KANSL1: variants seen among roughly 807,000 people sequenced by gnomAD.
KANSL1 encodes KAT8 regulatory NSL complex subunit 1, also known as MLL1/MLL complex subunit KANSL1.
In KANSL1, 22 loss-of-function variants were observed where a neutral mutation model predicts 103.6. The ratio of observed to expected loss-of-function variants is 0.21; its 90% CI spans 0.15 to 0.30. The LOEUF (loss-of-function observed/expected upper bound fraction) is 0.30, where lower values mean the gene tolerates loss of function less well. Among genes scored for constraint, KANSL1 ranks in the 10% least tolerant of loss-of-function variants. The pLI is 1.00. For synonymous variants in KANSL1, 600 were observed against 527.6 expected (o/e 1.14, Z -1.88); for missense variants, 1,337 against 1,399.8 (o/e 0.96, Z 0.72).
At chr17:46,052,055 T>C (rs796067479) in intron 6 of KANSL1, among the ~76,000 whole-genome samples, 7 of 152,282 alleles carry the variant, frequency 4.6e-5, no homozygotes, top group South Asian at 2.1e-4. Context: ...CCTGTATCTA[T>C]GTAATCAGAG....
intron 1 of KANSL1, among the ~76,000 whole-genome samples, chr17:46,219,412 G>T (rs146323429): frequency 6.6e-6 from 1 of 152,188 alleles, no homozygotes; most frequent in African/African-American, 2.4e-5. Flanking sequence ...ACCCAGGCTG[G>T]ACTGCAGGGG....
At chr17:46,068,799 C>G (rs17659743) in intron 4 of KANSL1, among the ~76,000 whole-genome samples, 21,782 of 152,086 alleles carry the variant, frequency 0.14, 2,122 homozygotes, top group Non-Finnish European at 0.22. Flanking sequence ...AGGCTCAAAA[C>G]GGATAGGAAC....
intron 3 of KANSL1, among the ~76,000 whole-genome samples, chr17:46,090,133 G>A (rs2079326140): frequency 6.6e-6 from 1 of 152,208 alleles, no homozygotes. Context: ...AGAGAAAGAT[G>A]GTCATATGAA....
At chr17:46,195,291 G>T (rs2047568582), upstream of KANSL1, among the ~76,000 whole-genome samples, 1 of 152,202 alleles carries the variant, frequency 6.6e-6, no homozygotes, top group Non-Finnish European at 1.5e-5. Context: ...TAATCTTACT[G>T]CTGCTCCAAA....
At chr17:46,197,921 C>T (rs180850445), upstream of KANSL1, among the ~76,000 whole-genome samples, 132 of 152,324 alleles carry the variant, frequency 8.7e-4, no homozygotes, top group Non-Finnish European at 1.5e-3. Context: ...TTCAGTACCT[C>T]GTATGTCCAA....
intron 2 of KANSL1, among the ~76,000 whole-genome samples, chr17:46,108,501 A>G (rs938328365): frequency 1.3e-5 from 2 of 152,168 alleles, no homozygotes; most frequent in African/African-American, 4.8e-5. Context: ...ACCTTCATGA[A>G]AATTATTTTT....
chr17:46,084,921 T>A (rs1026321101), intron 3 of KANSL1, among the ~76,000 whole-genome samples: 3 of 152,284 alleles, frequency 2.0e-5, no homozygotes, highest in Middle Eastern at 3.4e-3. Flanking sequence ...AAGACAGTTA[T>A]CTTGTACACC....
rs773238363 is a variant in KANSL1 at position 46,038,599 on chromosome 17, G to C, written c.2480C>G (p.Ser827Cys). ...PPHSPLVRQL[S>C]TSSDSPAPAS... is the part of the protein sequence containing the mutation. Reference sequence around the variant, plus strand: ...GGGTGCAGGGGAATCTGAGGAGGTGGAGAGCTGTCGCACCAAGGGACTGTG... The same window carrying C: ...GGGTGCAGGGGAATCTGAGGAGGTGCAGAGCTGTCGCACCAAGGGACTGTG... The change falls in exon 10 of 15, where the codon TCC becomes TGC. Residue 827 changes from serine to cysteine, a missense_variant. Ser to Cys is a moderately radical substitution (Grantham distance 112). Coordinates refer to ENST00000432791, the MANE Select transcript of KANSL1 (RefSeq NM_015443.4). The C allele has an allele frequency of 1.2e-6, 2 of 1,614,184 alleles. No homozygotes were observed. Among genetic ancestry groups the C allele is most frequent in the East Asian group, 4.5e-5 (2 of 44,876 alleles).
intron 6 of KANSL1, among the ~76,000 whole-genome samples, chr17:46,063,190 A>T (rs949178928): frequency 1.3e-5 from 2 of 152,248 alleles, no homozygotes; most frequent in African/African-American, 2.4e-5. Flanking sequence ...TGTACTCTGT[A>T]CTCACAATAA....
In KANSL1 at chr17:46,031,608, G is replaced by T. The variant is rs762231138; in HGVS notation, c.3186C>A (p.Arg1062=). Residue 1062 remains arginine, a synonymous_variant, in exon 15 of 15, where the codon CGC becomes CGA. Coordinates refer to ENST00000432791, the MANE Select transcript of KANSL1 (RefSeq NM_015443.4). ...DQLDAQERAA[R]CTRRTSGSKT... is the part of the protein sequence containing the mutation. ...TGCTGCCTGAGGTGCGTCGAGTGCA[G>T]CGGGCTGCTCGCTCCTGTGCATCCA... 2 of 1,614,138 alleles carry T rather than the reference G, an allele frequency of 1.2e-6. No individual in the cohort carries two copies. The highest frequency in any genetic ancestry group is 4.5e-5 in the East Asian group (2 of 44,866).
At chr17:46,108,659 G>A (rs2042672693) in intron 2 of KANSL1, among the ~76,000 whole-genome samples, 1 of 152,184 alleles carries the variant, frequency 6.6e-6, no homozygotes, top group African/African-American at 2.4e-5. Context: ...CAAAGGGAAG[G>A]AAGGAAGCAG....
intron 1 of KANSL1, among the ~76,000 whole-genome samples, chr17:46,186,742 T>C (rs941846421): frequency 2.0e-5 from 3 of 152,224 alleles, no homozygotes; most frequent in African/African-American, 7.2e-5. Flanking sequence ...TTTTTTCTTT[T>C]TTTTGAGACG....
chr17:46,167,582 G>T (rs1459742247), intron 2 of KANSL1, among the ~76,000 whole-genome samples: 2 of 152,142 alleles, frequency 1.3e-5, no homozygotes, highest in Non-Finnish European at 2.9e-5. Context: ...AAGAAAGGAA[G>T]ATATGTGAAA....
rs2146314710 is a variant in KANSL1 at position 46,033,092 on chromosome 17, C to T, written c.2825G>A (p.Arg942Gln). Reference protein sequence around the residue: ...WLWTTSVPPQRRGSRSYRSSD... With the variant: ...WLWTTSVPPQQRGSRSYRSSD... ...CCTGCCCCATCACCTGCTGCCCCGC[C>T]GCTGGGGTGGCACACTCGTGGTCCA... Residue 942 changes from arginine (R) to glutamine (Q), a missense_variant, in exon 13 of 15, where the codon CGG (arginine) becomes CAG (glutamine). Transcript: ENST00000432791. 4 of 1,586,758 alleles carry T rather than the reference C, an allele frequency of 2.5e-6. No individual in the cohort carries two copies. Among genetic ancestry groups the T allele is most frequent in the Middle Eastern group, 1.7e-4 (1 of 5,958 alleles).
chr17:46,111,805 A>G (rs752197898), intron 2 of KANSL1, among the ~76,000 whole-genome samples: 3 of 152,236 alleles, frequency 2.0e-5, no homozygotes, highest in Non-Finnish European at 2.9e-5. Flanking sequence ...AAATAAATCT[A>G]AAGTGTGTTA....
In KANSL1 at chr17:46,033,415, C is replaced by T. The variant is rs1568367786; in HGVS notation, c.2712G>A (p.Glu904=). 2 of 1,613,698 alleles carry T rather than the reference C, an allele frequency of 1.2e-6. No individual in the cohort carries two copies. The highest frequency in any genetic ancestry group is 1.7e-6 in the Non-Finnish European group (2 of 1,179,986). The change falls in exon 12 of 15, where the codon GAG becomes GAA. Residue 904 remains glutamate (E), a synonymous_variant. Coordinates refer to ENST00000432791, the MANE Select transcript of KANSL1 (RefSeq NM_015443.4). ...DLQSLKGSPD[E]ENEEIEDLSD... ...ACCAGGCCATTACCTCTTCATTCTC[C>T]TCATCAGGACTCCCCTTCAGAGACT...
At chr17:46,174,848 A>G (rs995592598) in intron 1 of KANSL1, among the ~76,000 whole-genome samples, 2 of 152,084 alleles carry the variant, frequency 1.3e-5, no homozygotes, top group South Asian at 2.1e-4. Flanking sequence ...TAATTTTTTG[A>G]ATTTTTGTAG....
At chr17:46,182,045 T>C (rs2046819735) in intron 1 of KANSL1, among the ~76,000 whole-genome samples, 1 of 152,218 alleles carries the variant, frequency 6.6e-6, no homozygotes, top group Non-Finnish European at 1.5e-5. Flanking sequence ...TTTCCCTAAT[T>C]GTTAACTAAT....
intron 2 of KANSL1, among the ~76,000 whole-genome samples, chr17:46,155,730 T>A (rs1041514330): frequency 6.6e-6 from 1 of 152,078 alleles, no homozygotes; most frequent in Non-Finnish European, 1.5e-5. Context: ...AAGAGGAGCA[T>A]AACACTCTAG....
Sources: allele counts gnomAD v4.1 joint callset (sites outside exome capture counted in the v4.1 genomes callset), GRCh38; gene constraint gnomAD v4.1.1; transcripts MANE v1.5; gene names NCBI Gene and HGNC (gene_info 2026-07-23, HGNC 2026-07-21).